HFM1: variants seen among roughly 807,000 people sequenced by gnomAD.
HFM1 encodes helicase for meiosis 1.
A neutral mutation model predicts 192.1 loss-of-function variants in HFM1; 169 were observed. The observed-to-expected ratio is 0.88, with a 90% CI of 0.78 to 1.00. The LOEUF is 1.00. HFM1 is among the 50% of genes least tolerant of loss of function. The pLI is 0.00. For synonymous variants in HFM1, 525 were observed against 537.8 expected, an observed-to-expected ratio of 0.98 and a Z score of 0.33; for missense variants, 1,661 against 1,668.0, an observed-to-expected ratio of 1.00 and a Z score of 0.07.
At chr1:91,366,393 T>C (rs1438484658) in intron 13 of HFM1, among the ~76,000 whole-genome samples, 1 of 152,188 alleles carries the variant, frequency 6.6e-6, no homozygotes, top group African/African-American at 2.4e-5. Context: ...CAAGCCTCAT[T>C]ACTTGATCCC....
At chr1:91,359,280 C>T (rs963832785) in intron 13 of HFM1, among the ~76,000 whole-genome samples, 4 of 151,994 alleles carry the variant, frequency 2.6e-5, no homozygotes, top group African/African-American at 9.7e-5. Flanking sequence ...AAGTAGGCTA[C>T]AGAAGGTGGG....
At position 91,274,758 on chromosome 1, in the gene HFM1, G is replaced by C. The variant is rs147905224; in HGVS notation, c.3640C>G (p.Pro1214Ala). The part of the protein sequence containing the change: ...SVDLKEFGFT[P>A]KPSLPSISRS... ...GATATACTAGGAAGGGAAGGTTTTG[G>C]AGTAAAACCAAACTCTTTAAGGTCC... The change falls in exon 33 of 39, where the codon CCA becomes GCA. Residue 1214 changes from proline (P) to alanine (A), a missense_variant. Pro to Ala is a conservative substitution (Grantham distance 27, BLOSUM62 -1). Coordinates refer to ENST00000370425, the MANE Select transcript of HFM1 (RefSeq NM_001017975.6). 1.2e-4 allele frequency: 188 copies of C among 1,561,634 alleles called. No homozygotes were observed. The highest frequency in any genetic ancestry group is 1.6e-4 in the Non-Finnish European group (181 of 1,134,780).
chr1:91,261,299 A>C lies in HFM1; in HGVS notation c.4299T>G (p.Gly1433=). Reference sequence around the variant, plus strand: ...AAAGTATTTGTTTGTTTTAGAAAATACCATCAAATATTCCCAATAAAGACT... The same window carrying C: ...AAAGTATTTGTTTGTTTTAGAAAATCCCATCAAATATTCCCAATAAAGACT... ...EMKSLLGIFD[G]IF Residue 1433 remains glycine (G), a synonymous_variant, in exon 39 of 39, where the codon GGT becomes GGG. Transcript: ENST00000370425. The C allele has an allele frequency of 7.4e-7, 1 of 1,351,832 alleles. No homozygotes were observed. Among genetic ancestry groups the C allele is most frequent in the Non-Finnish European group, 9.8e-7 (1 of 1,016,524 alleles). The allele number at this position is 1,351,832 out of a possible 1,614,324, so 83.7% of individuals were successfully genotyped here. A position where few individuals can be genotyped will look rare whatever the true frequency, so the allele number is the denominator to read the frequency against.
chr1:91,330,231 A>G (rs1265981797), intron 20 of HFM1, among the ~76,000 whole-genome samples: 1 of 152,150 alleles, frequency 6.6e-6, no homozygotes, highest in Non-Finnish European at 1.5e-5. Flanking sequence ...TTATAAAGAA[A>G]AAAGTCAATA....
At chr1:91,367,078 C>T (rs769366763) in intron 13 of HFM1, among the ~76,000 whole-genome samples, 3 of 152,102 alleles carry the variant, frequency 2.0e-5, no homozygotes, top group Non-Finnish European at 4.4e-5. Context: ...CCGCCATTGC[C>T]GAGGCTTGAG....
intron 13 of HFM1, among the ~76,000 whole-genome samples, chr1:91,361,063 T>C (rs72970337): frequency 0.099 from 15,087 of 152,026 alleles, 792 homozygotes; most frequent in East Asian, 0.16. Context: ...GAGAGAAACA[T>C]ATAGCACCAA....
At chr1:91,334,225 G>T (rs1245470484) in intron 20 of HFM1, among the ~76,000 whole-genome samples, 1 of 152,016 alleles carries the variant, frequency 6.6e-6, no homozygotes, top group African/African-American at 2.4e-5. Context: ...CCTCTTATTG[G>T]GTATGCAAGT....
chr1:91,402,557 T>C (rs1185478102), intron 1 of HFM1, among the ~76,000 whole-genome samples: 10 of 152,022 alleles, frequency 6.6e-5, no homozygotes, highest in Non-Finnish European at 1.0e-4. Flanking sequence ...GGGCAGGAGG[T>C]AGAGGGAGTC....
intron 30 of HFM1, among the ~76,000 whole-genome samples, chr1:91,284,919 T>G (rs1002294491): frequency 2.0e-5 from 3 of 152,208 alleles, no homozygotes; most frequent in African/African-American, 7.2e-5. Context: ...CATCTTGATT[T>G]GCAGCTCCCA....
chr1:91,302,787 TG>T (rs1439330140), intron 30 of HFM1, among the ~76,000 whole-genome samples: 1 of 17,868 alleles, frequency 5.6e-5, no homozygotes, highest in Non-Finnish European at 1.2e-4. Context: ...TGTTGTGGGG[TG>T]GGGGGGAGGG....
At chr1:91,339,670 C>T (rs867066098) in intron 20 of HFM1, among the ~76,000 whole-genome samples, 1 of 151,908 alleles carries the variant, frequency 6.6e-6, no homozygotes, top group Non-Finnish European at 1.5e-5. Flanking sequence ...ATTTAAAACT[C>T]ATTGGTAGCC....
chr1:91,378,027 C>G lies in HFM1; in HGVS notation c.1393G>C (p.Asp465His), dbSNP rs763896199. Reference protein sequence around the residue: ...AVSATIPNAEDIAEWLSDGER... With the variant: ...AVSATIPNAEHIAEWLSDGER... ...GCTCAGTTAAAATTGTAACTCACAT[C>G]CTCAGCATTTGGAATTGTTGCAGAT... Residue 465 changes from aspartate (D) to histidine (H), a missense_variant and splice_region_variant, in exon 11 of 39, where the codon GAT becomes CAT. Coordinates refer to ENST00000370425, the MANE Select transcript of HFM1 (RefSeq NM_001017975.6). 6.2e-7 allele frequency: 1 copy of G among 1,610,390 alleles called. No individual in the cohort carries two copies.
chr1:91,402,961 A>G (rs915425443), intron 1 of HFM1, among the ~76,000 whole-genome samples: 1 of 152,148 alleles, frequency 6.6e-6, no homozygotes, highest in Non-Finnish European at 1.5e-5. Context: ...TTTCAAAAGA[A>G]TTTTTGATTT....
chr1:91,276,771 G>A, intron 31 of HFM1, 28 bp from the exon 32 acceptor site: 1 of 1,097,644 alleles, frequency 9.1e-7, no homozygotes, highest in South Asian at 1.6e-5. Context: ...AGATTCTTTA[G>A]GTTAAACTTC....
chr1:91,404,051 A>T (rs1201138803), intron 1 of HFM1, among the ~76,000 whole-genome samples: 1 of 152,236 alleles, frequency 6.6e-6, no homozygotes, highest in Non-Finnish European at 1.5e-5. Context: ...GTAGGGACCA[A>T]CATTTACGGG....
chr1:91,372,734 T>TA lies in HFM1; in HGVS notation c.1685+2623dup, dbSNP rs200470596. ...ATGTACCCTAAAACTTAAAGTATAA[T>TA]AAAAAAAAGAAAATTCATAAGAATG... On this transcript the variant is annotated intron_variant, in intron 13 of 38. Transcript: ENST00000370425. 3.6e-3 allele frequency among the ~76,000 whole-genome samples: 545 copies of TA among 152,020 alleles called. 31 individuals are homozygous for TA. The East Asian group carries it at 0.086, about 24-fold the overall frequency.
rs972596862 is a variant in HFM1 at position 91,385,591 on chromosome 1, T to C, written c.738A>G (p.Gln246=). ...AGAAATTACCTTGAATATCATGAGG[T>C]TGGAAAGCAACTGAAAAAGATGGTG... is the stretch of plus-strand genomic sequence containing the variant. The part of the protein sequence containing the change: ...FKAPSFSVAF[Q]PHDIQEVTEN... The change falls in exon 5 of 39, where the codon CAA becomes CAG. Residue 246 remains glutamine, a synonymous_variant. Coordinates refer to ENST00000370425, the MANE Select transcript of HFM1 (RefSeq NM_001017975.6). The C allele has an allele frequency of 1.9e-6, 3 of 1,612,288 alleles. No homozygotes were observed. The highest frequency in any genetic ancestry group is 2.2e-5 in the East Asian group (1 of 44,816).
At chr1:91,377,389 GTAT>G (rs1661028344) in intron 11 of HFM1, 1 of 151,950 alleles carries the variant, frequency 6.6e-6, no homozygotes, top group African/African-American at 2.4e-5. Flanking sequence ...GGGAAAACCA[GTAT>G]TATAGTAGGC....
Position 91,319,141 on chromosome 1 carries a change from T to C in HFM1, c.2749A>G (p.Lys917Glu). The C allele has an allele frequency of 6.2e-7, 1 of 1,610,960 alleles. No homozygotes were observed. The change falls in exon 25 of 39, where the codon AAA (lysine) becomes GAA (glutamate). Residue 917 changes from lysine to glutamate, a missense_variant. Physicochemically the swap from Lys to Glu is moderately conservative, Grantham distance 56. Transcript: ENST00000370425. ...AVLLNSLILA[K>E]CFRCKLWENS... is the part of the protein sequence containing the mutation. ...TCCCAAAGTTTACACCTAAAACATT[T>C]AGCTAAAATCAAACTATTCAATAGT... is the stretch of plus-strand genomic sequence containing the variant.
Sources: allele counts gnomAD v4.1 joint callset (sites outside exome capture counted in the v4.1 genomes callset), GRCh38; gene constraint gnomAD v4.1.1; transcripts MANE v1.5; gene names NCBI Gene and HGNC (gene_info 2026-07-23, HGNC 2026-07-21).